The following ZBTB2 variants were observed in gnomAD, a reference collection of about 807,000 sequenced individuals.
ZBTB2 encodes zinc finger and BTB domain containing 2.
ZBTB2 carries 2 observed loss-of-function variants against 39.5 expected under a neutral mutation model. The ratio of observed to expected loss-of-function variants is 0.05; its 90% confidence interval spans 0.02 to 0.16. The LOEUF is 0.16. Ranked by LOEUF, ZBTB2 falls within the 10% of genes least tolerant of loss-of-function variation. The pLI is 1.00. For missense variants in ZBTB2, 391 were observed against 653.0 expected (o/e 0.60, Z 4.37); for synonymous variants, 251 against 256.6 (o/e 0.98, Z 0.21).
chr6:151,379,278 T>A (rs1778981870), intron 1 of ZBTB2, among the ~76,000 whole-genome samples: 1 of 152,162 alleles, frequency 6.6e-6, no homozygotes, highest in Admixed American at 6.5e-5. Flanking sequence ...ATTGACCATT[T>A]GTATTTCCTT....
chr6:151,379,174 C>A (rs1778979390), intron 1 of ZBTB2, among the ~76,000 whole-genome samples: 1 of 152,170 alleles, frequency 6.6e-6, no homozygotes, highest in South Asian at 2.1e-4. Flanking sequence ...TAACTCTTTT[C>A]TCCGTACTCT....
At chr6:151,380,981 T>C (rs1779021986) in intron 1 of ZBTB2, among the ~76,000 whole-genome samples, 1 of 152,132 alleles carries the variant, frequency 6.6e-6, no homozygotes, top group Non-Finnish European at 1.5e-5. Flanking sequence ...ATTTCCTGGC[T>C]CAGTGCAGGG....
intron 1 of ZBTB2, among the ~76,000 whole-genome samples, chr6:151,379,637 G>GAAAAAAAAAAAA (rs61085296): frequency 4.6e-5 from 3 of 65,896 alleles, no homozygotes; most frequent in East Asian, 4.3e-4. Context: ...GACCCTGTCT[G>GAAAAAAAAAAAA]AAAAAAAAAA....
At chr6:151,388,905 G>C (rs1475224504) in intron 1 of ZBTB2, among the ~76,000 whole-genome samples, 1 of 152,164 alleles carries the variant, frequency 6.6e-6, no homozygotes, top group Non-Finnish European at 1.5e-5. Context: ...TATGCACTGG[G>C]ACTGTAGGAC....
chr6:151,376,671 G>C (rs770973869), intron 1 of ZBTB2, among the ~76,000 whole-genome samples: 9 of 152,146 alleles, frequency 5.9e-5, no homozygotes, highest in Non-Finnish European at 1.2e-4. Flanking sequence ...TATTAGAATG[G>C]CTAAAATAAG....
rs754997786 is a variant in ZBTB2, at chr6:151,365,589, C to T, written c.1477G>A (p.Val493Ile). The T allele has an allele frequency of 4.3e-6, 7 of 1,614,104 alleles. No individual in the cohort carries two copies. In the African/African-American group the frequency reaches 8.0e-5, roughly 18 times the overall value. ...AACACTGGGTGGTCAGGCTCCGTTACTTCCGAGTCCCCACTGCCCAGGAGA... is the reference window on the plus strand; with the variant it reads ...AACACTGGGTGGTCAGGCTCCGTTATTTCCGAGTCCCCACTGCCCAGGAGA... ...SILLGSGDSE[V>I]TEPDHPVLAS... Residue 493 changes from valine (V) to isoleucine (I), a missense_variant, in exon 3 of 3, where the codon GTA becomes ATA. By Grantham distance (29) the Val-to-Ile change is conservative (BLOSUM62 3). This residue lies in a region of ZBTB2 where 49 missense variants were observed against 55.6 expected (regional missense o/e 0.88). Coordinates refer to ENST00000325144, the MANE Select transcript of ZBTB2 (RefSeq NM_020861.3). The surrounding 1 kb of genome is among the most constrained non-coding windows in gnomAD (Gnocchi z 5.6).
intron 1 of ZBTB2, among the ~76,000 whole-genome samples, chr6:151,378,872 A>G (rs905709476): frequency 6.6e-6 from 1 of 152,208 alleles, no homozygotes; most frequent in Admixed American, 6.5e-5. Context: ...ATATGCTATT[A>G]ATTTAATTTC....
chr6:151,365,653 C>G lies in ZBTB2; in HGVS notation c.1413G>C (p.Gln471His). ...CGTCTAGGGCAAAAACATCCGAGTT[C>G]TGGTTTTGGCATGAATGTTTAACAA... ...NEVVKHSCQNQNSDVFALDEG... is the reference protein window; with the variant it reads ...NEVVKHSCQNHNSDVFALDEG... The change falls in exon 3 of 3, where the codon CAG becomes CAC. Residue 471 changes from glutamine to histidine, a missense_variant. Gln to His is a conservative substitution (Grantham distance 24). Coordinates refer to ENST00000325144, the MANE Select transcript of ZBTB2 (RefSeq NM_020861.3). The surrounding 1 kb of genome is among the most constrained non-coding windows in gnomAD (Gnocchi z 5.6). 2 of 1,614,176 alleles carry G rather than the reference C, an allele frequency of 1.2e-6. No homozygotes were observed. Among genetic ancestry groups the G allele is most frequent in the Non-Finnish European group, 1.7e-6 (2 of 1,180,028 alleles).
chr6:151,365,466 G>A lies in ZBTB2; in HGVS notation c.*55C>T. 2 of 1,533,998 alleles carry A rather than the reference G, an allele frequency of 1.3e-6. No individual in the cohort carries two copies. Among genetic ancestry groups the A allele is most frequent in the Non-Finnish European group, 1.8e-6 (2 of 1,140,626 alleles). ...GAACTACAGTTCTGAATTCAGGGAA[G>A]GGAGGGAAGATAGTCTTTGTAAAAA... On this transcript the variant is annotated 3_prime_UTR_variant, in exon 3 of 3. Transcript: ENST00000325144. This position sits in a 1 kb window ranked among gnomAD's most constrained non-coding sequence, Gnocchi z 5.6.
At chr6:151,390,595 C>T (rs1037027450) in intron 1 of ZBTB2, among the ~76,000 whole-genome samples, 1 of 151,270 alleles carries the variant, frequency 6.6e-6, no homozygotes, top group Non-Finnish European at 1.5e-5. Context: ...GCGCGAGAGC[C>T]GGAGACAGCG....
Position 151,373,442 on chromosome 6 carries a change from T to A in ZBTB2, c.173+23A>T, listed in dbSNP as rs764072705. 3.1e-6 allele frequency: 5 copies of A among 1,613,732 alleles called. No homozygotes were observed. The Admixed American group carries it at 8.3e-5, about 27-fold the overall frequency. The stretch of plus-strand genomic sequence containing the variant: ...GGTTAAGAAGTCTACAGTCATTAGG[T>A]TATTAGCAACCACTTTAGTTACCTG... On this transcript the variant is annotated intron_variant, in intron 2 of 2. Coordinates refer to ENST00000325144, the MANE Select transcript of ZBTB2 (RefSeq NM_020861.3).
At position 151,387,539 on chromosome 6, in the gene ZBTB2, C is replaced by T. The variant is rs533769398; in HGVS notation, c.-13+3881G>A. ...ACTCAGAGAACCTAAATGACTCTCC[C>T]GGTGCAGGAGAACATGCGCACTTCA... On this transcript the variant is annotated intron_variant, in intron 1 of 2. Transcript: ENST00000325144. 1.1e-4 allele frequency among the ~76,000 whole-genome samples: 17 copies of T among 152,258 alleles called. No individual in the cohort carries two copies. In the South Asian group the frequency reaches 2.1e-3, roughly 19 times the overall value.
At chr6:151,368,433 G>T (rs1330254893) in intron 2 of ZBTB2, among the ~76,000 whole-genome samples, 2 of 151,736 alleles carry the variant, frequency 1.3e-5, no homozygotes, top group Non-Finnish European at 2.9e-5. Flanking sequence ...ACAGGTGTGA[G>T]CCACCGCGCC....
intron 1 of ZBTB2, among the ~76,000 whole-genome samples, chr6:151,375,459 T>C (rs1778886931): frequency 6.6e-6 from 1 of 152,264 alleles, no homozygotes; most frequent in South Asian, 2.1e-4. Flanking sequence ...ATAGGTTTGA[T>C]GCCATTCCTA....
Position 151,364,941 on chromosome 6 carries a change from C to T in ZBTB2, c.*580G>A, listed in dbSNP as rs994797988. ...TGCCATCACATTATTACTTTTTCTC[C>T]TTTTTGTTTTGTTAAAGTAGATTTC... On this transcript the variant is annotated 3_prime_UTR_variant, in exon 3 of 3. Coordinates refer to ENST00000325144, the MANE Select transcript of ZBTB2 (RefSeq NM_020861.3). 1.3e-5 allele frequency: 2 copies of T among 152,672 alleles called. No homozygotes were observed. The highest frequency in any genetic ancestry group is 1.3e-4 in the Admixed American group (2 of 15,282). 9.5% of individuals were successfully genotyped at this position (152,672 alleles called of 1,614,324 possible). A position where few individuals can be genotyped will look rare whatever the true frequency, so the allele number is the denominator to read the frequency against.
intron 1 of ZBTB2, among the ~76,000 whole-genome samples, chr6:151,389,266 G>GGAAAAAA (rs1052610033): frequency 2.1e-4 from 32 of 151,352 alleles, no homozygotes; most frequent in Admixed American, 1.8e-3. Context: ...CTTACTAAAA[G>GGAAAAAA]GAAAAAAGAA....
rs763668619 is a variant in ZBTB2 at position 151,366,577 on chromosome 6, G to T, written c.489C>A (p.Thr163=). The T allele has an allele frequency of 1.9e-6, 3 of 1,614,066 alleles. No individual in the cohort carries two copies. The highest frequency in any genetic ancestry group is 2.5e-6 in the Non-Finnish European group (3 of 1,180,016). The change falls in exon 3 of 3, where the codon ACC becomes ACA. Residue 163 remains threonine, a synonymous_variant. Coordinates refer to ENST00000325144, the MANE Select transcript of ZBTB2 (RefSeq NM_020861.3). This position sits in a 1 kb window ranked among gnomAD's most constrained non-coding sequence, Gnocchi z 7.1. ...GGACCTGCTCCTGGCTTATCCTGGAGGTCTGTGGCCGTGGATCTCGCCCGA... is the reference window on the plus strand; with the variant it reads ...GGACCTGCTCCTGGCTTATCCTGGATGTCTGTGGCCGTGGATCTCGCCCGA... The part of the protein sequence containing the change: ...EKLGRDPRPQ[T]SRISQEQVPE...
At chr6:151,386,874 C>A (rs1301841415) in intron 1 of ZBTB2, among the ~76,000 whole-genome samples, 1 of 136,844 alleles carries the variant, frequency 7.3e-6, no homozygotes, top group African/African-American at 3.2e-5. Flanking sequence ...ATATTTAATT[C>A]AATTAAAAAC....
At chr6:151,374,103 T>A (rs1327112175) in intron 1 of ZBTB2, among the ~76,000 whole-genome samples, 1 of 151,870 alleles carries the variant, frequency 6.6e-6, no homozygotes, top group Non-Finnish European at 1.5e-5. Flanking sequence ...TAATGATGCA[T>A]CAGAGTTTGT....
Sources: gnomAD v4.1 joint callset for allele counts (sites outside exome capture counted in the v4.1 genomes callset) on GRCh38, gnomAD v4.1.1 for gene constraint, gnomAD v4.1.1 regional missense constraint, Gnocchi (gnomAD v3.1) non-coding constraint, MANE v1.5 for transcripts, NCBI Gene and HGNC (gene_info 2026-07-23, HGNC 2026-07-21) for gene names.